Variants in EMB observed in about 807,000 individuals in gnomAD.
EMB encodes the protein embigin homolog.
In EMB, 31 loss-of-function variants were observed where a neutral mutation model predicts 41.4. The ratio of observed to expected loss-of-function variants is 0.75; its 90% confidence interval spans 0.56 to 1.01. The LOEUF is 1.01. Ranked by LOEUF, EMB falls within the 50% of genes least tolerant of loss-of-function variation. The pLI, the probability that EMB is intolerant of heterozygous loss-of-function variation, is 0.00. For missense variants in EMB, 379 were observed against 388.3 expected (o/e 0.98, Z 0.20); for synonymous variants, 137 against 140.4 (o/e 0.98, Z 0.17).
chr5:50,402,630 T>C (rs575621641), intron 6 of EMB, among the ~76,000 whole-genome samples: 1 of 151,988 alleles, frequency 6.6e-6, no homozygotes, highest in South Asian at 2.1e-4. Flanking sequence ...AGGTCAATTT[T>C]CTAGAGGATT....
chr5:50,441,186 C>T lies in EMB; in HGVS notation c.-35G>A, dbSNP rs1745905834. The T allele has an allele frequency of 2.3e-6, 3 of 1,298,910 alleles. No individual in the cohort carries two copies. Among genetic ancestry groups the T allele is most frequent in the African/African-American group, 1.5e-5 (1 of 64,960 alleles). 80.5% of individuals were successfully genotyped at this position (1,298,910 alleles called of 1,614,324 possible). ...GGGTCCGCCTGGGTCCTCGTGGAGACTGCTCCCTCAGCTCGCCGCCGCGGG... is the reference window on the plus strand; with the variant it reads ...GGGTCCGCCTGGGTCCTCGTGGAGATTGCTCCCTCAGCTCGCCGCCGCGGG... On this transcript the variant is annotated 5_prime_UTR_variant, in exon 1 of 9. Coordinates refer to ENST00000303221, the MANE Select transcript of EMB (RefSeq NM_198449.3).
At chr5:50,412,218 G>GAA (rs1206624762) in intron 2 of EMB, among the ~76,000 whole-genome samples, 126 of 145,806 alleles carry the variant, frequency 8.6e-4, no homozygotes, top group African/African-American at 3.3e-3. Context: ...TGTTTATCTT[G>GAA]AAAACAATAC....
chr5:50,439,961 G>C (rs1364324666), intron 1 of EMB, among the ~76,000 whole-genome samples: 1 of 152,158 alleles, frequency 6.6e-6, no homozygotes, highest in Non-Finnish European at 1.5e-5. Context: ...AGGTTGGATG[G>C]AATCCTTTCA....
In EMB at chr5:50,428,164, C is replaced by T. The variant is rs775892803; in HGVS notation, c.176G>A (p.Ser59Asn). The T allele has an allele frequency of 1.2e-6, 2 of 1,610,242 alleles. No homozygotes were observed. Among genetic ancestry groups the T allele is most frequent in the African/African-American group, 2.7e-5 (2 of 74,928 alleles). ...EIMANNFSLE[S>N]HNISLTEHSS... Reference sequence around the variant, plus strand: ...TTTACCAGTCAGTGATATGTTATGACTCTCCAAGGAAAAGTTATTTGCCAT... The same window carrying T: ...TTTACCAGTCAGTGATATGTTATGATTCTCCAAGGAAAAGTTATTTGCCAT... Residue 59 changes from serine to asparagine, a missense_variant, in exon 2 of 9, where the codon AGT becomes AAT. By Grantham distance (46) the Ser-to-Asn change is conservative. Coordinates refer to ENST00000303221, the MANE Select transcript of EMB (RefSeq NM_198449.3).
intron 1 of EMB, among the ~76,000 whole-genome samples, chr5:50,430,310 A>G (rs140885379): frequency 0.016 from 2,482 of 152,306 alleles, 68 homozygotes; most frequent in African/African-American, 0.057. Flanking sequence ...ACTGTACAGC[A>G]GAATACAATC....
Position 50,411,263 on chromosome 5 carries a change from T to C in EMB, c.317A>G (p.Asp106Gly), listed in dbSNP as rs373831056. The change falls in exon 3 of 9, where the codon GAT becomes GGT. Residue 106 changes from aspartate to glycine, a missense_variant. Physicochemically the swap from Asp to Gly is moderately conservative, Grantham distance 94. Transcript: ENST00000303221. ...LNAVNVTWKK[D>G]GEQLENNYLV... ...ATAATTATTCTCAAGTTGTTCACCA[T>C]CTTTTTTCCAAGTCACATTTACTGC... 2.8e-5 allele frequency: 45 copies of C among 1,613,014 alleles called. No individual in the cohort carries two copies. The highest frequency in any genetic ancestry group is 3.7e-5 in the Non-Finnish European group (44 of 1,179,450).
intron 1 of EMB, among the ~76,000 whole-genome samples, chr5:50,429,235 C>A (rs921548197): frequency 6.6e-6 from 1 of 152,176 alleles, no homozygotes; most frequent in African/African-American, 2.4e-5. Flanking sequence ...GAGTACCAGA[C>A]CTTACCTTCC....
At chr5:50,421,264 C>T (rs1292010595) in intron 2 of EMB, among the ~76,000 whole-genome samples, 2 of 152,030 alleles carry the variant, frequency 1.3e-5, no homozygotes, top group Admixed American at 6.6e-5. Flanking sequence ...CAAAAGAAGA[C>T]ATTTATGCAG....
intron 2 of EMB, among the ~76,000 whole-genome samples, chr5:50,412,801 T>C (rs1051044141): frequency 7.2e-5 from 11 of 151,836 alleles, no homozygotes; most frequent in African/African-American, 2.7e-4. Flanking sequence ...TATGGAATGG[T>C]TAGGACTCCC....
intron 2 of EMB, among the ~76,000 whole-genome samples, chr5:50,424,827 C>T (rs1243609724): frequency 1.3e-5 from 2 of 152,080 alleles, no homozygotes; most frequent in Non-Finnish European, 2.9e-5. Context: ...AACCAAGAAT[C>T]ATCCAGCCCC....
intron 1 of EMB, among the ~76,000 whole-genome samples, chr5:50,438,902 C>A (rs1245335310): frequency 6.7e-6 from 1 of 150,174 alleles, no homozygotes; most frequent in Non-Finnish European, 1.5e-5. Context: ...TTGTTTCCTA[C>A]CTTTTTTTTT....
chr5:50,415,935 T>G (rs1335321461), intron 2 of EMB, among the ~76,000 whole-genome samples: 1 of 152,188 alleles, frequency 6.6e-6, no homozygotes, highest in Admixed American at 6.5e-5. Flanking sequence ...AAAATACACA[T>G]TTTCAACTAA....
chr5:50,416,604 A>G (rs1032249837), intron 2 of EMB, among the ~76,000 whole-genome samples: 4 of 152,216 alleles, frequency 2.6e-5, no homozygotes, highest in Admixed American at 2.6e-4. Flanking sequence ...CTTACTAAAC[A>G]CAGTTAAGTG....
At chr5:50,415,030 C>T (rs992238005) in intron 2 of EMB, among the ~76,000 whole-genome samples, 7 of 152,092 alleles carry the variant, frequency 4.6e-5, no homozygotes, top group African/African-American at 1.7e-4. Flanking sequence ...CTCCAGGTGT[C>T]TACGGAGCAT....
chr5:50,428,413 TTC>T, intron 1 of EMB, 186 bp from the exon 2 acceptor site: 3 of 1,213,610 alleles, frequency 2.5e-6, no homozygotes, highest in Non-Finnish European at 3.1e-6. Context: ...GTGAAAAAAA[TTC>T]TGATTTTTTT....
intron 1 of EMB, 191 bp from the exon 2 acceptor site, chr5:50,428,418 ATTTT>A: frequency 8.2e-7 from 1 of 1,213,414 alleles, no homozygotes; most frequent in Non-Finnish European, 1.0e-6. Context: ...AAAAATTCTG[ATTTT>A]TTTTCTTTTT....
chr5:50,412,279 C>T (rs1337508195), intron 2 of EMB, among the ~76,000 whole-genome samples: 2 of 151,690 alleles, frequency 1.3e-5, no homozygotes, highest in East Asian at 1.9e-4. Context: ...CACACACACA[C>T]ACACTGAAGG....
intron 1 of EMB, 82 bp from the exon 2 acceptor site, chr5:50,428,309 A>G: frequency 7.8e-7 from 1 of 1,275,862 alleles, no homozygotes; most frequent in South Asian, 1.5e-5. Flanking sequence ...CAGCTAAAAC[A>G]CTGTTGTGAA....
chr5:50,425,513 AT>A (rs1013897917), intron 2 of EMB, among the ~76,000 whole-genome samples: 8 of 152,130 alleles, frequency 5.3e-5, no homozygotes, highest in African/African-American at 1.2e-4. Context: ...AACAAAAAAA[AT>A]ATATTGTGGT....
Sources: allele counts gnomAD v4.1 joint callset (sites outside exome capture counted in the v4.1 genomes callset), GRCh38; gene constraint gnomAD v4.1.1; transcripts MANE v1.5; gene names NCBI Gene and HGNC (gene_info 2026-07-23, HGNC 2026-07-21).